Variants in PARD6B observed in about 807,000 individuals in gnomAD.
The protein encoded by PARD6B is partitioning defective 6 homolog beta.
In PARD6B, 4 loss-of-function variants were observed where a neutral mutation model predicts 10.5. That is an observed-to-expected ratio of 0.38 (90% CI 0.19 to 0.87). The LOEUF is 0.87. Ranked by LOEUF, PARD6B falls within the 40% of genes least tolerant of loss-of-function variation. The pLI, the probability that PARD6B is intolerant of heterozygous loss-of-function variation, is 0.41. For synonymous variants in PARD6B, 169 were observed against 170.4 expected (o/e 0.99, Z 0.07); for missense variants, 396 against 470.6 (o/e 0.84, Z 1.47).
chr20:50,744,770 C>A (rs1341864124), intron 2 of PARD6B, among the ~76,000 whole-genome samples: 1 of 152,124 alleles, frequency 6.6e-6, no homozygotes, highest in Non-Finnish European at 1.5e-5. Flanking sequence ...CTATTAGCCC[C>A]TGGCTGGTTT....
intron 1 of PARD6B, among the ~76,000 whole-genome samples, chr20:50,732,059 A>T (rs564723104): frequency 6.6e-6 from 1 of 152,360 alleles, no homozygotes; most frequent in East Asian, 1.9e-4. Context: ...TGGCCCGGGC[A>T]GGAAGAAGAC....
intron 2 of PARD6B, among the ~76,000 whole-genome samples, chr20:50,744,881 C>T (rs2087557244): frequency 6.6e-6 from 1 of 152,178 alleles, no homozygotes; most frequent in Non-Finnish European, 1.5e-5. Flanking sequence ...TTATAGCTCT[C>T]AGCACCTTTG....
At position 50,750,467 on chromosome 20, in the gene PARD6B, T is replaced by C. The variant is rs759148478; in HGVS notation, c.1098T>C (p.Asp366=). The C allele has an allele frequency of 1.2e-6, 2 of 1,613,454 alleles. No individual in the cohort carries two copies. Among genetic ancestry groups the C allele is most frequent in the Admixed American group, 1.7e-5 (1 of 59,950 alleles). The part of the protein sequence containing the change: ...HAPDQKLLEE[D]GTIITL ...CAGATCAAAAACTCTTAGAAGAAGA[T>C]GGAACAATCATAACATTATGAAACC... Residue 366 remains aspartate (D), a synonymous_variant, in exon 3 of 3, where the codon GAT becomes GAC. Transcript: ENST00000371610.
In PARD6B at chr20:50,751,731, T is replaced by TTTTC; in HGVS notation, c.*1246_*1247insCTTT. ...TTATAAAGCTGAGGAAGCTTTTTTT[T>TTTTC]TTTTTTTTTGAGACAGAGTCTCTGT... On this transcript the variant is annotated 3_prime_UTR_variant, in exon 3 of 3. Transcript: ENST00000371610. The TTTTC allele has an allele frequency of 2.0e-6, 2 of 983,042 alleles. No individual in the cohort carries two copies. The highest frequency in any genetic ancestry group is 1.8e-5 in the African/African-American group (1 of 56,534). The allele number at this position is 983,042 out of a possible 1,614,324, so 60.9% of individuals were successfully genotyped here.
At position 50,753,616 on chromosome 20, in the gene PARD6B, C is replaced by T. The variant is rs1161476036; in HGVS notation, c.*3128C>T. ...TACTTTGTTTATAACTATCAAATGTCAGTATTTTACTACAATTTTATTATA... is the reference window on the plus strand; with the variant it reads ...TACTTTGTTTATAACTATCAAATGTTAGTATTTTACTACAATTTTATTATA... On this transcript the variant is annotated 3_prime_UTR_variant, in exon 3 of 3. Coordinates refer to ENST00000371610, the MANE Select transcript of PARD6B (RefSeq NM_032521.3). 3 of 803,234 alleles carry T rather than the reference C, an allele frequency of 3.7e-6. No homozygotes were observed. The highest frequency in any genetic ancestry group is 4.5e-6 in the Non-Finnish European group (3 of 663,750). The allele number at this position is 803,234 out of a possible 1,614,324, so 49.8% of individuals were successfully genotyped here.
intron 1 of PARD6B, among the ~76,000 whole-genome samples, chr20:50,735,931 A>T (rs1171596780): frequency 1.3e-5 from 2 of 152,242 alleles, no homozygotes; most frequent in Non-Finnish European, 1.5e-5. Flanking sequence ...AATAAAGAAA[A>T]TGGAGGAGAA....
chr20:50,741,270 T>TTTCTGTTTCTGTGCTCTTATGCTTGG (rs2087528981), intron 2 of PARD6B, among the ~76,000 whole-genome samples: 1 of 151,700 alleles, frequency 6.6e-6, no homozygotes, highest in Non-Finnish European at 1.5e-5. Flanking sequence ...CGTTAGCTTG[T>TTTCTGTTTCTGTGCTCTTATGCTTGG]TTCTGTTTCT....
intron 2 of PARD6B, among the ~76,000 whole-genome samples, chr20:50,745,541 C>T (rs1048239698): frequency 3.3e-5 from 5 of 152,156 alleles, no homozygotes; most frequent in African/African-American, 1.2e-4. Flanking sequence ...TCACCATTGC[C>T]CAGATTGGAG....
chr20:50,739,832 A>G (rs1159973258), intron 2 of PARD6B, among the ~76,000 whole-genome samples: 1 of 43,526 alleles, frequency 2.3e-5, no homozygotes, highest in African/African-American at 8.4e-5. Flanking sequence ...AGCAGGCGGT[A>G]AAGAAGTGAG....
chr20:50,749,300 G>A (rs144695518), intron 2 of PARD6B, among the ~76,000 whole-genome samples: 6 of 150,978 alleles, frequency 4.0e-5, no homozygotes, highest in East Asian at 3.9e-4. Context: ...CCGAGGTCAC[G>A]CCACTGCACT....
chr20:50,745,799 G>A (rs2087564710), intron 2 of PARD6B, among the ~76,000 whole-genome samples: 1 of 152,172 alleles, frequency 6.6e-6, no homozygotes, highest in African/African-American at 2.4e-5. Flanking sequence ...GAGCCATCAT[G>A]CCTGGCCACA....
intron 1 of PARD6B, among the ~76,000 whole-genome samples, chr20:50,734,358 T>A (rs751040874): frequency 5.3e-5 from 8 of 152,082 alleles, no homozygotes; most frequent in Non-Finnish European, 8.8e-5. Flanking sequence ...CCGGTCCTTT[T>A]TTTTTTGAGA....
At position 50,753,152 on chromosome 20, in the gene PARD6B, T is replaced by C; in HGVS notation, c.*2664T>C. 1 of 985,246 alleles carries C rather than the reference T, an allele frequency of 1.0e-6. No homozygotes were observed. Among genetic ancestry groups the C allele is most frequent in the Non-Finnish European group, 1.2e-6 (1 of 829,362 alleles). 61.0% of individuals were successfully genotyped at this position (985,246 alleles called of 1,614,324 possible). On this transcript the variant is annotated 3_prime_UTR_variant, in exon 3 of 3. Coordinates refer to ENST00000371610, the MANE Select transcript of PARD6B (RefSeq NM_032521.3). Reference sequence around the variant, plus strand: ...AGGGCTTGACTTTTTGTACAAATTTTAACTGTAAAATACAGATTTATCTTG... The same window carrying C: ...AGGGCTTGACTTTTTGTACAAATTTCAACTGTAAAATACAGATTTATCTTG...
chr20:50,745,411 C>CAA (rs11484143), intron 2 of PARD6B, among the ~76,000 whole-genome samples: 55 of 117,298 alleles, frequency 4.7e-4, no homozygotes, highest in Middle Eastern at 5.2e-3. Flanking sequence ...AACTCCGTCT[C>CAA]AAAAAAAAAA....
intron 2 of PARD6B, among the ~76,000 whole-genome samples, chr20:50,740,520 G>A (rs1001763295): frequency 6.6e-6 from 1 of 152,122 alleles, no homozygotes; most frequent in African/African-American, 2.4e-5. Flanking sequence ...CATCTTTTAA[G>A]GGTAGTTATC....
At chr20:50,739,613 A>G (rs1260950791) in intron 2 of PARD6B, among the ~76,000 whole-genome samples, 3 of 152,178 alleles carry the variant, frequency 2.0e-5, no homozygotes, top group Non-Finnish European at 4.4e-5. Flanking sequence ...CACCAACAAA[A>G]TAAACCTCCA....
chr20:50,749,842 T>C lies in PARD6B; in HGVS notation c.473T>C (p.Val158Ala). ...ATTCTCCCAGAAACGCATCGTAGGG[T>C]ACGTCTTTACAAATACGGCACGGAG... ...VDILPETHRR[V>A]RLYKYGTEKP... is the part of the protein sequence containing the mutation. Residue 158 changes from valine (V) to alanine (A), a missense_variant, in exon 3 of 3, where the codon GTA (valine) becomes GCA (alanine). Val to Ala is a moderately conservative substitution (Grantham distance 64, BLOSUM62 0). Around this residue, in one of 2 missense-constraint regions of PARD6B, gnomAD observed 208 missense variants for 300.9 expected, o/e 0.69. Coordinates refer to ENST00000371610, the MANE Select transcript of PARD6B (RefSeq NM_032521.3). The C allele has an allele frequency of 6.2e-7, 1 of 1,614,078 alleles. No individual in the cohort carries two copies. The highest frequency in any genetic ancestry group is 8.5e-7 in the Non-Finnish European group (1 of 1,180,020).
At chr20:50,741,539 T>C (rs2087530396) in intron 2 of PARD6B, among the ~76,000 whole-genome samples, 2 of 152,044 alleles carry the variant, frequency 1.3e-5, no homozygotes, top group African/African-American at 4.8e-5. Flanking sequence ...TTACTTAGTG[T>C]ACTATAATGC....
intron 2 of PARD6B, among the ~76,000 whole-genome samples, chr20:50,743,994 T>C (rs1025806664): frequency 2.0e-5 from 3 of 151,938 alleles, no homozygotes; most frequent in African/African-American, 7.2e-5. Flanking sequence ...TATTTTTTAG[T>C]CAGTCACCAA....
Sources: gnomAD v4.1 joint callset for allele counts (sites outside exome capture counted in the v4.1 genomes callset) on GRCh38, gnomAD v4.1.1 for gene constraint, gnomAD v4.1.1 regional missense constraint, MANE v1.5 for transcripts, NCBI Gene and HGNC (gene_info 2026-07-23, HGNC 2026-07-21) for gene names.